FHIT: variants seen among roughly 807,000 people sequenced by gnomAD.
The protein encoded by FHIT is fragile histidine triad diadenosine triphosphatase, also known as bis(5'-adenosyl)-triphosphatase.
In FHIT, 19 loss-of-function variants were observed where a neutral mutation model predicts 17.9. That is an observed-to-expected ratio of 1.06 (90% CI 0.74 to 1.56). The LOEUF (loss-of-function observed/expected upper bound fraction) is 1.56. FHIT is among the 40% of genes most tolerant of loss of function. FHIT has a pLI of 0.00. For missense variants in FHIT, 248 were observed against 189.2 expected (o/e 1.31, Z -1.82); for synonymous variants, 81 against 69.7 (o/e 1.16, Z -0.81).
chr3:60,874,957 A>G (rs1235038970), intron 3 of FHIT, among the ~76,000 whole-genome samples: 9 of 152,166 alleles, frequency 5.9e-5, no homozygotes, highest in Admixed American at 5.9e-4. Context: ...AAATAAATAC[A>G]ATAAGATTTA....
chr3:60,312,773 T>C (rs184341676), intron 5 of FHIT, among the ~76,000 whole-genome samples: 62 of 152,286 alleles, frequency 4.1e-4, no homozygotes, highest in Non-Finnish European at 7.4e-4. Context: ...TGTATATACA[T>C]ACGTATATAC....
chr3:60,970,986 C>T (rs1709978411), intron 3 of FHIT, among the ~76,000 whole-genome samples: 1 of 152,134 alleles, frequency 6.6e-6, no homozygotes, highest in Admixed American at 6.5e-5. Context: ...TATTACATTT[C>T]TTATGACTAT....
In FHIT at chr3:60,333,971, T is replaced by C. The variant is rs190837151; in HGVS notation, c.103+202889A>G. On this transcript the variant is annotated intron_variant, in intron 5 of 9. Transcript: ENST00000492590. ...TCCTGTTTTCCTACACATGGTTACA[T>C]TTCTTCTCTGCCTACATAAACCCCT... is the stretch of plus-strand genomic sequence containing the variant. Among the ~76,000 whole-genome samples, 3 of 2,618 alleles carry C rather than the reference T, an allele frequency of 1.1e-3. No homozygotes were observed. The Admixed American group carries it at 0.016, about 14-fold the overall frequency. The allele number at this position is 2,618 out of a possible 152,430, so 1.7% of individuals were successfully genotyped here. A position where few individuals can be genotyped will look rare whatever the true frequency, so the allele number is the denominator to read the frequency against.
intron 5 of FHIT, among the ~76,000 whole-genome samples, chr3:60,180,879 G>A (rs1701900839): frequency 6.6e-6 from 1 of 152,070 alleles, no homozygotes; most frequent in African/African-American, 2.4e-5. Context: ...AACTTGTACA[G>A]TACTCACAAA....
chr3:59,752,555 T>C (rs1231518876), intron 8 of FHIT, among the ~76,000 whole-genome samples: 1 of 152,120 alleles, frequency 6.6e-6, no homozygotes, highest in Non-Finnish European at 1.5e-5. Context: ...AGGGGGGTGA[T>C]GATATGATAT....
intron 5 of FHIT, among the ~76,000 whole-genome samples, chr3:60,532,053 C>T (rs1421002799): frequency 6.6e-6 from 1 of 152,150 alleles, no homozygotes; most frequent in Non-Finnish European, 1.5e-5. Context: ...TGTTGTATGG[C>T]CCTGGTAACA....
intron 8 of FHIT, among the ~76,000 whole-genome samples, chr3:59,857,783 A>T (rs1053222610): frequency 6.7e-6 from 1 of 148,464 alleles, no homozygotes; most frequent in Non-Finnish European, 1.5e-5. Context: ...GGAAAACAAG[A>T]ATGCATTTCT....
At chr3:59,951,693 T>A (rs893568993) in intron 7 of FHIT, among the ~76,000 whole-genome samples, 1 of 151,002 alleles carries the variant, frequency 6.6e-6, no homozygotes, top group African/African-American at 2.4e-5. Flanking sequence ...CTTTAGGGCA[T>A]CTGAGATCCC....
At chr3:59,885,043 G>T (rs772016989) in intron 8 of FHIT, among the ~76,000 whole-genome samples, 2 of 152,120 alleles carry the variant, frequency 1.3e-5, no homozygotes, top group African/African-American at 4.8e-5. Context: ...AACAAAAATG[G>T]AGTGCCAAAA....
chr3:59,871,122 T>G (rs1385131121), intron 8 of FHIT, among the ~76,000 whole-genome samples: 1 of 152,184 alleles, frequency 6.6e-6, no homozygotes, highest in Non-Finnish European at 1.5e-5. Flanking sequence ...GGACTGGCAC[T>G]GATCCTCCAG....
At chr3:59,927,693 C>T (rs1406762382) in intron 7 of FHIT, among the ~76,000 whole-genome samples, 4 of 152,012 alleles carry the variant, frequency 2.6e-5, no homozygotes, top group African/African-American at 2.4e-5. Flanking sequence ...CGCTTGAACC[C>T]GGGAGGCGGA....
intron 8 of FHIT, among the ~76,000 whole-genome samples, chr3:59,905,601 A>G (rs1326307839): frequency 6.6e-6 from 1 of 152,226 alleles, no homozygotes; most frequent in African/African-American, 2.4e-5. Flanking sequence ...ATTTTAAAAA[A>G]TGGTTTTGTT....
At position 61,120,906 on chromosome 3, in the gene FHIT, C is replaced by A. The variant is rs184859645; in HGVS notation, c.-163-78807G>T. Among the ~76,000 whole-genome samples, 170 of 151,794 alleles carry A rather than the reference C, an allele frequency of 1.1e-3. 1 individual carries two copies. Among genetic ancestry groups the A allele is most frequent in the African/African-American group, 4.0e-3 (165 of 41,432 alleles). ...CAGTTTAGAGAAAAACATAAATGAC[C>A]TGATGGAGCTGAAAAACACAGCATG... On this transcript the variant is annotated intron_variant, in intron 2 of 9. Coordinates refer to ENST00000492590, the MANE Select transcript of FHIT (RefSeq NM_002012.4).
intron 2 of FHIT, among the ~76,000 whole-genome samples, chr3:61,065,866 A>T (rs1208414319): frequency 6.6e-6 from 1 of 152,176 alleles, no homozygotes; most frequent in African/African-American, 2.4e-5. Context: ...GACCCATTAC[A>T]GACCTAGATG....
rs544623809 is a variant in FHIT, at chr3:60,949,772, A to T, written c.-111+92275T>A. 2.0e-4 allele frequency among the ~76,000 whole-genome samples: 30 copies of T among 152,274 alleles called. 1 individual carries two copies. Among genetic ancestry groups the T allele is most frequent in the African/African-American group, 5.3e-4 (22 of 41,540 alleles). ...GTTGTTATTTGCAGATTTCTTTTTT[A>T]AAAAAAGCAGAATTAAAATGAAAGA... On this transcript the variant is annotated intron_variant, in intron 3 of 9. Coordinates refer to ENST00000492590, the MANE Select transcript of FHIT (RefSeq NM_002012.4).
intron 5 of FHIT, among the ~76,000 whole-genome samples, chr3:60,296,641 A>C (rs1576437895): frequency 1.3e-5 from 2 of 152,148 alleles, no homozygotes; most frequent in East Asian, 1.9e-4. Flanking sequence ...TTCAGAGAGA[A>C]ATTTTTTAAA....
At chr3:60,695,622 T>C (rs1296121561) in intron 4 of FHIT, among the ~76,000 whole-genome samples, 2 of 152,134 alleles carry the variant, frequency 1.3e-5, no homozygotes, top group South Asian at 4.1e-4. Context: ...GCTGTGATAA[T>C]TCATGTAAAG....
intron 3 of FHIT, among the ~76,000 whole-genome samples, chr3:60,860,208 T>C (rs1319776239): frequency 8.2e-6 from 1 of 122,512 alleles, no homozygotes; most frequent in African/African-American, 3.4e-5. Context: ...TATGTATATA[T>C]GGTATACATG....
intron 5 of FHIT, among the ~76,000 whole-genome samples, chr3:60,067,332 G>A (rs1702560232): frequency 1.3e-5 from 2 of 150,990 alleles, no homozygotes; most frequent in Admixed American, 1.3e-4. Flanking sequence ...TTGAATGAAT[G>A]AATGAATGAA....
Sources: allele counts gnomAD v4.1 joint callset (sites outside exome capture counted in the v4.1 genomes callset), GRCh38; gene constraint gnomAD v4.1.1; transcripts MANE v1.5; gene names NCBI Gene and HGNC (gene_info 2026-07-23, HGNC 2026-07-21).